ABCB1: variants seen among roughly 807,000 people sequenced by gnomAD.
The protein encoded by ABCB1 is ATP binding cassette subfamily B member 1.
ABCB1 carries 69 observed loss-of-function variants against 142.0 expected under a neutral mutation model. The observed-to-expected ratio is 0.49, with a 90% CI of 0.40 to 0.59. The LOEUF is 0.59. Among genes scored for constraint, ABCB1 ranks in the 20% least tolerant of loss-of-function variants. The pLI is 0.00. For missense variants in ABCB1, 1,326 were observed against 1,554.7 expected, an observed-to-expected ratio of 0.85 and a Z score of 2.47; for synonymous variants, 532 against 539.2, an observed-to-expected ratio of 0.99 and a Z score of 0.18.
Position 87,505,970 on chromosome 7 carries a change from C to G in ABCB1, c.3563G>C (p.Arg1188Pro). 6.2e-7 allele frequency: 1 copy of G among 1,614,074 alleles called. No individual in the cohort carries two copies. Among genetic ancestry groups the G allele is most frequent in the Non-Finnish European group, 8.5e-7 (1 of 1,179,948 alleles). ...AATATGAGGCTGTCTAACAAGGGCA[C>G]GAGCTATGGCAATGCGTTGTTTCTG... The part of the protein sequence containing the change: ...GGQKQRIAIA[R>P]ALVRQPHILL... Residue 1188 changes from arginine to proline, a missense_variant, in exon 27 of 28, where the codon CGT becomes CCT. Physicochemically the swap from Arg to Pro is moderately radical, Grantham distance 103. Coordinates refer to ENST00000622132, the MANE Select transcript of ABCB1 (RefSeq NM_001348946.2).
At chr7:87,595,015 A>T (rs192991888) in intron 3 of ABCB1, among the ~76,000 whole-genome samples, 199 of 152,264 alleles carry the variant, frequency 1.3e-3, no homozygotes, top group Middle Eastern at 6.8e-3. Flanking sequence ...TACTCTTAGA[A>T]AAAAGGAAGT....
At chr7:87,628,559 C>G in intron 1 of ABCB1, 1 of 316,298 alleles carries the variant, frequency 3.2e-6, no homozygotes, top group Non-Finnish European at 5.7e-6. Flanking sequence ...GGCGGCGCGC[C>G]GAGGGCGGAG....
intron 1 of ABCB1, among the ~76,000 whole-genome samples, chr7:87,704,690 A>G (rs1028751176): frequency 6.6e-6 from 1 of 152,240 alleles, no homozygotes; most frequent in African/African-American, 2.4e-5. Flanking sequence ...TCCTGCATTT[A>G]TATCTTTGTT....
At chr7:87,593,879 T>C (rs1257812013) in intron 3 of ABCB1, among the ~76,000 whole-genome samples, 1 of 152,220 alleles carries the variant, frequency 6.6e-6, no homozygotes, top group East Asian at 1.9e-4. Flanking sequence ...CCTTTTGCCA[T>C]GGCTGATTTT....
At chr7:87,642,625 T>G (rs1284465732) in intron 1 of ABCB1, among the ~76,000 whole-genome samples, 2 of 151,914 alleles carry the variant, frequency 1.3e-5, no homozygotes, top group Admixed American at 1.3e-4. Flanking sequence ...TTTATTTATT[T>G]ATTTAACATA....
rs1425807802 is a variant in ABCB1, at chr7:87,545,854, A to T, written c.1887+9T>A. On this transcript the variant is annotated intron_variant, in intron 15 of 27. Transcript: ENST00000622132. ...GATGACTTAGGAAAATTCTGAAGTT[A>T]AACTATACCTGCATTGTGACAAGTT... The T allele has an allele frequency of 1.2e-6, 2 of 1,613,232 alleles. No individual in the cohort carries two copies. Among genetic ancestry groups the T allele is most frequent in the South Asian group, 2.2e-5 (2 of 90,890 alleles).
chr7:87,706,807 A>C (rs575041728), intron 1 of ABCB1, among the ~76,000 whole-genome samples: 2 of 152,300 alleles, frequency 1.3e-5, no homozygotes, highest in East Asian at 3.9e-4. Flanking sequence ...CAGTTTTCCT[A>C]TGGGGTTGTT....
In ABCB1 at chr7:87,519,479, C is replaced by T. The variant is rs756975918; in HGVS notation, c.2787-13G>A. On this transcript the variant is annotated splice_polypyrimidine_tract_variant and intron_variant, in intron 22 of 27. Coordinates refer to ENST00000622132, the MANE Select transcript of ABCB1 (RefSeq NM_001348946.2). ...CCTCAAAGAGTTTCTGAAAAGAAGA[C>T]ATTTGAAAACTCATTCCACTTTCAT... 16 of 1,613,820 alleles carry T rather than the reference C, an allele frequency of 9.9e-6. No homozygotes were observed. The highest frequency in any genetic ancestry group is 1.4e-5 in the Non-Finnish European group (16 of 1,179,890).
At chr7:87,530,740 A>G in intron 21 of ABCB1, among the ~76,000 whole-genome samples, 1 of 151,864 alleles carries the variant, frequency 6.6e-6, no homozygotes, top group Non-Finnish European at 1.5e-5. Flanking sequence ...TACAAATAAA[A>G]TGGGCTTACT....
At chr7:87,510,377 G>A (rs1207913902) in intron 25 of ABCB1, among the ~76,000 whole-genome samples, 2 of 152,242 alleles carry the variant, frequency 1.3e-5, no homozygotes, top group Non-Finnish European at 2.9e-5. Flanking sequence ...CAGATGAGTA[G>A]GAACAGAGGG....
chr7:87,611,488 T>A (rs1325603204), intron 1 of ABCB1, among the ~76,000 whole-genome samples: 2 of 152,184 alleles, frequency 1.3e-5, no homozygotes, highest in Non-Finnish European at 2.9e-5. Context: ...ATTTTCTTTT[T>A]CTGCATTAAT....
chr7:87,665,458 T>C (rs1181681677), intron 1 of ABCB1, among the ~76,000 whole-genome samples: 1 of 152,126 alleles, frequency 6.6e-6, no homozygotes, highest in Non-Finnish European at 1.5e-5. Context: ...AATAGAAATA[T>C]ATCTCATGCT....
intron 4 of ABCB1, among the ~76,000 whole-genome samples, chr7:87,576,023 G>A (rs142130594): frequency 7.2e-5 from 11 of 152,260 alleles, no homozygotes; most frequent in African/African-American, 2.6e-4. Flanking sequence ...GGGCATGTAT[G>A]TCTATAAATT....
chr7:87,641,583 A>T (rs1464920742), intron 1 of ABCB1, among the ~76,000 whole-genome samples: 1 of 152,232 alleles, frequency 6.6e-6, no homozygotes, highest in African/African-American at 2.4e-5. Context: ...ACTACTGTTT[A>T]CCAAAAGCTG....
intron 1 of ABCB1, chr7:87,710,652 C>T: frequency 1.9e-6 from 3 of 1,557,234 alleles, no homozygotes; most frequent in Non-Finnish European, 2.6e-6. Context: ...TTCAAAACAA[C>T]CAGGTTTAAA....
chr7:87,542,124 A>G (rs1175613807), intron 17 of ABCB1, among the ~76,000 whole-genome samples: 1 of 152,224 alleles, frequency 6.6e-6, no homozygotes, highest in Non-Finnish European at 1.5e-5. Context: ...GGCCAAAATC[A>G]GTCTTGTAAG....
intron 18 of ABCB1, 30 bp from the exon 19 acceptor site, chr7:87,539,375 C>T: frequency 2.5e-6 from 4 of 1,596,058 alleles, no homozygotes; most frequent in Non-Finnish European, 3.4e-6. Flanking sequence ...TTGTCAGGGA[C>T]CCAGCCACCA....
In ABCB1 at chr7:87,509,405, G is replaced by T. The variant is rs746677023; in HGVS notation, c.3359C>A (p.Pro1120His). Residue 1120 changes from proline to histidine, a missense_variant, in exon 26 of 28, where the codon CCC becomes CAC. Transcript: ENST00000622132. The part of the protein sequence containing the change: ...RAHLGIVSQE[P>H]ILFDCSIAEN... ...AGCAATGCTGCAGTCAAACAGGATGGGCTCCTGGGACACGATGCCCAGGTG... is the reference window on the plus strand; with the variant it reads ...AGCAATGCTGCAGTCAAACAGGATGTGCTCCTGGGACACGATGCCCAGGTG... 2 of 1,614,160 alleles carry T rather than the reference G, an allele frequency of 1.2e-6. No homozygotes were observed. The highest frequency in any genetic ancestry group is 1.3e-5 in the African/African-American group (1 of 75,036).
At chr7:87,532,939 A>G (rs1337924531) in intron 20 of ABCB1, among the ~76,000 whole-genome samples, 1 of 152,152 alleles carries the variant, frequency 6.6e-6, no homozygotes, top group Non-Finnish European at 1.5e-5. Flanking sequence ...TGTCTGATAT[A>G]AACACCAGAC....
Sources: gnomAD v4.1 joint callset for allele counts (sites outside exome capture counted in the v4.1 genomes callset) on GRCh38, gnomAD v4.1.1 for gene constraint, MANE v1.5 for transcripts, NCBI Gene and HGNC (gene_info 2026-07-23, HGNC 2026-07-21) for gene names.